The following MACROD2 variants were observed in gnomAD, a reference collection of about 807,000 sequenced individuals.
MACROD2 encodes the protein ADP-ribose glycohydrolase MACROD2.
Under a neutral mutation model 70.4 loss-of-function variants are expected in MACROD2, and 36 were observed. The observed-to-expected ratio is 0.51, with a 90% CI of 0.39 to 0.68. The LOEUF is 0.68. MACROD2 is among the 30% of genes least tolerant of loss of function. MACROD2 has a pLI of 0.00. For missense variants in MACROD2, 496 were observed against 538.4 expected (o/e 0.92, Z 0.78); for synonymous variants, 172 against 178.8 (o/e 0.96, Z 0.30).
chr20:15,866,451 GA>G (rs1426173047), intron 9 of MACROD2, among the ~76,000 whole-genome samples: 19 of 149,406 alleles, frequency 1.3e-4, no homozygotes, highest in Admixed American at 1.3e-3. Context: ...AAACCAAAAG[GA>G]AAAAAAGAAA....
At chr20:14,446,274 A>G (rs1204153302) in intron 3 of MACROD2, among the ~76,000 whole-genome samples, 1 of 152,080 alleles carries the variant, frequency 6.6e-6, no homozygotes, top group African/African-American at 2.4e-5. Flanking sequence ...CACTGCTTAT[A>G]TTATTTAATT....
intron 7 of MACROD2, among the ~76,000 whole-genome samples, chr20:15,441,418 A>G (rs944208803): frequency 3.9e-5 from 6 of 152,156 alleles, no homozygotes; most frequent in African/African-American, 1.4e-4. Context: ...AGGGGACCTG[A>G]CAAAAGAGAT....
intron 6 of MACROD2, among the ~76,000 whole-genome samples, chr20:15,326,710 A>C (rs2077933857): frequency 6.6e-6 from 1 of 152,140 alleles, no homozygotes; most frequent in Admixed American, 6.6e-5. Context: ...AGTTGTGTGC[A>C]TCACAAAGAT....
At chr20:15,743,928 AG>A (rs1353471461) in intron 8 of MACROD2, among the ~76,000 whole-genome samples, 1 of 152,170 alleles carries the variant, frequency 6.6e-6, no homozygotes, top group African/African-American at 2.4e-5. Context: ...TGGTTCAAAA[AG>A]GAATGCCTGT....
At chr20:14,083,876 G>A (rs1305037467) in intron 2 of MACROD2, among the ~76,000 whole-genome samples, 1 of 151,270 alleles carries the variant, frequency 6.6e-6, no homozygotes, top group African/African-American at 2.4e-5. Flanking sequence ...GTCAGGAGAT[G>A]GAGACCAACC....
At chr20:14,963,282 T>C (rs185167881) in intron 5 of MACROD2, among the ~76,000 whole-genome samples, 11 of 152,248 alleles carry the variant, frequency 7.2e-5, no homozygotes, top group Non-Finnish European at 2.9e-5. Context: ...TGAGAATTTC[T>C]CCAGCCTTTC....
intron 5 of MACROD2, among the ~76,000 whole-genome samples, chr20:14,823,250 T>C (rs1174500949): frequency 6.6e-6 from 1 of 152,144 alleles, no homozygotes; most frequent in African/African-American, 2.4e-5. Flanking sequence ...TATTTTCTTT[T>C]CCATTTAAAA....
intron 3 of MACROD2, among the ~76,000 whole-genome samples, chr20:14,147,759 C>T (rs561264509): frequency 3.0e-4 from 46 of 152,176 alleles, no homozygotes; most frequent in African/African-American, 1.0e-3. Context: ...AAAATTCAGG[C>T]CTGTTGTGGA....
At chr20:14,468,538 C>A (rs13043921) in intron 3 of MACROD2, among the ~76,000 whole-genome samples, 20,241 of 146,514 alleles carry the variant, frequency 0.14, 2,082 homozygotes, top group Non-Finnish European at 0.21. Context: ...TTGGGGGCAC[C>A]GTCTCACTCT....
intron 3 of MACROD2, among the ~76,000 whole-genome samples, chr20:14,259,259 G>A (rs543685467): frequency 3.9e-5 from 6 of 152,156 alleles, no homozygotes; most frequent in Non-Finnish European, 7.3e-5. Flanking sequence ...AACTTGAGCA[G>A]TTAGAATGGT....
intron 8 of MACROD2, among the ~76,000 whole-genome samples, chr20:15,759,166 A>AC (rs2051398082): frequency 6.6e-6 from 1 of 150,788 alleles, no homozygotes; most frequent in African/African-American, 2.4e-5. Context: ...AAAAAAAAAA[A>AC]CAGAAATGGA....
chr20:15,489,756 T>A (rs2047204533), intron 7 of MACROD2, among the ~76,000 whole-genome samples: 1 of 152,150 alleles, frequency 6.6e-6, no homozygotes, highest in African/African-American at 2.4e-5. Flanking sequence ...CATAGAGGCT[T>A]TCTGGTATGT....
chr20:14,136,367 G>A (rs1162194484), intron 3 of MACROD2, among the ~76,000 whole-genome samples: 1 of 152,182 alleles, frequency 6.6e-6, no homozygotes, highest in African/African-American at 2.4e-5. Context: ...ACTTTGGGAG[G>A]CCGAGACAGA....
chr20:15,162,017 G>A (rs1470594013), intron 5 of MACROD2, among the ~76,000 whole-genome samples: 1 of 148,310 alleles, frequency 6.7e-6, no homozygotes, highest in African/African-American at 2.5e-5. Context: ...GGCTTAATGG[G>A]GTTAATTAAA....
intron 5 of MACROD2, among the ~76,000 whole-genome samples, chr20:14,725,951 G>T (rs2071524941): frequency 6.6e-6 from 1 of 152,156 alleles, no homozygotes; most frequent in African/African-American, 2.4e-5. Flanking sequence ...GTGCTGAGCA[G>T]ATCTGACAGT....
chr20:14,571,708 G>A (rs1278364878), intron 4 of MACROD2, among the ~76,000 whole-genome samples: 1 of 152,120 alleles, frequency 6.6e-6, no homozygotes, highest in Non-Finnish European at 1.5e-5. Context: ...CCAGTTCTTT[G>A]ATAGGCATTC....
chr20:14,146,113 A>G (rs1343139008), intron 3 of MACROD2, among the ~76,000 whole-genome samples: 10 of 152,040 alleles, frequency 6.6e-5, no homozygotes, highest in Admixed American at 3.3e-4. Context: ...ACGAGGTCAG[A>G]AGATCGAGAC....
Position 15,394,717 on chromosome 20 carries a change from C to T in MACROD2, c.541-36688C>T, listed in dbSNP as rs189239142. 2.0e-3 allele frequency among the ~76,000 whole-genome samples: 309 copies of T among 152,232 alleles called. 1 individual carries two copies. Among genetic ancestry groups the T allele is most frequent in the African/African-American group, 7.2e-3 (299 of 41,548 alleles). On this transcript the variant is annotated intron_variant, in intron 6 of 17. Transcript: ENST00000684519. ...AGAGCATTACACAAGTGTATTCCAC[C>T]CTGGTACTTTGTTGGGTTTCTGTTG...
intron 2 of MACROD2, among the ~76,000 whole-genome samples, chr20:14,028,208 A>G (rs1408740051): frequency 1.3e-5 from 2 of 152,154 alleles, no homozygotes; most frequent in African/African-American, 2.4e-5. Flanking sequence ...CTTTGTTTAC[A>G]CTGTAAGGGG....
Sources: allele counts gnomAD v4.1 joint callset (sites outside exome capture counted in the v4.1 genomes callset), GRCh38; gene constraint gnomAD v4.1.1; transcripts MANE v1.5; gene names NCBI Gene and HGNC (gene_info 2026-07-23, HGNC 2026-07-21).